The following RABEP2 variants were observed in gnomAD, a reference collection of about 807,000 sequenced individuals.
The protein encoded by RABEP2 is rab GTPase-binding effector protein 2.
RABEP2 carries 57 observed loss-of-function variants against 74.1 expected under a neutral mutation model. That is an observed-to-expected ratio of 0.77 (90% CI 0.62 to 0.96). RABEP2 has a LOEUF of 0.96. Among genes scored for constraint, RABEP2 ranks in the 40% least tolerant of loss-of-function variants. RABEP2 has a pLI of 0.00. For synonymous variants in RABEP2, 351 were observed against 344.0 expected (o/e 1.02, Z -0.23); for missense variants, 692 against 756.3 (o/e 0.91, Z 1.00).
At chr16:28,923,861 G>A (rs1431082852) in intron 2 of RABEP2, among the ~76,000 whole-genome samples, 1 of 152,190 alleles carries the variant, frequency 6.6e-6, no homozygotes, top group African/African-American at 2.4e-5. Context: ...CAGAGTCTCT[G>A]GCTTCTGCTA....
At chr16:28,911,292 T>C in intron 5 of RABEP2, 113 bp from the exon 6 acceptor site, 1 of 933,580 alleles carries the variant, frequency 1.1e-6, no homozygotes, top group South Asian at 1.6e-5. Context: ...GTCCGTCAAA[T>C]TACAGGCCCA....
chr16:28,921,338 G>A, intron 2 of RABEP2: 3 of 419,748 alleles, frequency 7.1e-6, no homozygotes, highest in South Asian at 3.3e-5. Flanking sequence ...GACCCTTCCT[G>A]GGCTTGGATA....
At chr16:28,906,437 A>C (rs537160930) in intron 8 of RABEP2, among the ~76,000 whole-genome samples, 46 of 152,318 alleles carry the variant, frequency 3.0e-4, no homozygotes, top group Non-Finnish European at 5.6e-4. Flanking sequence ...GCTCAGGAAG[A>C]GTCCCAACCA....
At chr16:28,911,223 GC>G in intron 5 of RABEP2, 44 bp from the exon 6 acceptor site, 1 of 1,579,244 alleles carries the variant, frequency 6.3e-7, no homozygotes, top group Non-Finnish European at 8.6e-7. Flanking sequence ...CAGGAACTTG[GC>G]CCCCCTCACC....
At chr16:28,925,055 GC>G in intron 1 of RABEP2, 47 bp downstream of exon 1, 2 of 1,473,210 alleles carry the variant, frequency 1.4e-6, no homozygotes, top group Non-Finnish European at 1.8e-6. Flanking sequence ...GCTCGGCCCC[GC>G]CCCCAGCATC....
intron 7 of RABEP2, among the ~76,000 whole-genome samples, chr16:28,910,028 C>CAAA (rs779404464): frequency 3.0e-4 from 21 of 69,080 alleles, no homozygotes; most frequent in South Asian, 6.2e-4. Flanking sequence ...GACTCCGTCT[C>CAAA]AAAAAAAAAA....
At chr16:28,918,948 A>G (rs919393688) in intron 3 of RABEP2, among the ~76,000 whole-genome samples, 1 of 151,990 alleles carries the variant, frequency 6.6e-6, no homozygotes, top group African/African-American at 2.4e-5. Context: ...GGCTTCCCAA[A>G]GTGCTGGGAT....
At chr16:28,912,406 CTTTTTTT>C (rs58094012) in intron 5 of RABEP2, among the ~76,000 whole-genome samples, 8 of 118,150 alleles carry the variant, frequency 6.8e-5, no homozygotes, top group Non-Finnish European at 1.0e-4. Flanking sequence ...TTCTTTCTTT[CTTTTTTT>C]TTTTTTTTTT....
At chr16:28,923,374 G>A (rs118112370) in intron 2 of RABEP2, among the ~76,000 whole-genome samples, 2,387 of 151,808 alleles carry the variant, frequency 0.016, 48 homozygotes, top group Non-Finnish European at 0.021. Context: ...TCACACCAGC[G>A]TGCTGTGACG....
intron 11 of RABEP2, 61 bp downstream of exon 11, chr16:28,905,643 G>A: frequency 3.8e-6 from 6 of 1,576,988 alleles, no homozygotes; most frequent in Non-Finnish European, 4.3e-6. Context: ...GGGAGGGGTG[G>A]GGGAGGGTCT....
At chr16:28,917,085 C>T (rs1189682883) in intron 3 of RABEP2, among the ~76,000 whole-genome samples, 1 of 152,080 alleles carries the variant, frequency 6.6e-6, no homozygotes, top group African/African-American at 2.4e-5. Context: ...TTTGTTCTCC[C>T]ACACTCCTAT....
chr16:28,919,733 C>T lies in RABEP2; in HGVS notation c.432+53G>A. 1.9e-6 allele frequency: 3 copies of T among 1,562,120 alleles called. 1 individual carries two copies. Among genetic ancestry groups the T allele is most frequent in the Middle Eastern group, 3.4e-4 (2 of 5,854 alleles). ...GACCAGGGAATGGGACATCCACAGT[C>T]CTCAACATTCTTCCAAATCCCAGGG... On this transcript the variant is annotated intron_variant, in intron 3 of 12. Transcript: ENST00000358201.
chr16:28,924,480 C>T lies in RABEP2; in HGVS notation c.197G>A (p.Ser66Asn), dbSNP rs890456110. ...TMKAVAEVSE[S>N]TKAEAVAAVQ... ...CGCAGCCACAGCCTCGGCCTTCGTG[C>T]TCTCGCTCACCTCTGCCACAGCCTT... is the stretch of plus-strand genomic sequence containing the variant. The change falls in exon 2 of 13, where the codon AGC (serine) becomes AAC (asparagine). Residue 66 changes from serine to asparagine, a missense_variant. Coordinates refer to ENST00000358201, the MANE Select transcript of RABEP2 (RefSeq NM_024816.3). 9.3e-6 allele frequency: 15 copies of T among 1,613,944 alleles called. No homozygotes were observed. In the East Asian group the frequency reaches 2.0e-4, roughly 22 times the overall value.
At position 28,907,166 on chromosome 16, in the gene RABEP2, T is replaced by TG. The variant is rs1964248489; in HGVS notation, c.1246-971_1246-970insC. Among the ~76,000 whole-genome samples, 4 of 148,084 alleles carry TG rather than the reference T, an allele frequency of 2.7e-5. No individual in the cohort carries two copies. In the East Asian group the frequency reaches 7.9e-4, roughly 29 times the overall value. ...TTTTTTTTGTTTTTTGCCTTTGTTTTTTTTTTTTTTTTGAGACAGGGTCTC... is the reference window on the plus strand; with the variant it reads ...TTTTTTTTGTTTTTTGCCTTTGTTTTGTTTTTTTTTTTTGAGACAGGGTCTC... On this transcript the variant is annotated intron_variant, in intron 8 of 12. Transcript: ENST00000358201.
In RABEP2 at chr16:28,904,970, C is replaced by G. The variant is rs1364673227; in HGVS notation, c.1683G>C (p.Thr561=). 2 of 1,612,774 alleles carry G rather than the reference C, an allele frequency of 1.2e-6. No individual in the cohort carries two copies. Among genetic ancestry groups the G allele is most frequent in the Admixed American group, 3.3e-5 (2 of 59,972 alleles). ...VRSIMDEAPL[T]DVRDIKDT is the part of the protein sequence containing the mutation. ...AGGTGTCCTTGATGTCCCTGACGTC[C>G]GTGAGTGGCGCCTCATCCATGATGC... is the stretch of plus-strand genomic sequence containing the variant. Residue 561 remains threonine, a synonymous_variant, in exon 13 of 13, where the codon ACG becomes ACC. Coordinates refer to ENST00000358201, the MANE Select transcript of RABEP2 (RefSeq NM_024816.3).
At chr16:28,921,104 T>A (rs1964463679) in intron 2 of RABEP2, 1 of 449,988 alleles carries the variant, frequency 2.2e-6, no homozygotes, top group Admixed American at 2.4e-5. Context: ...GCTCAAGCAA[T>A]CCTCCCGTCT....
At chr16:28,924,744 C>A in intron 1 of RABEP2, 129 bp from the exon 2 acceptor site, 1 of 870,246 alleles carries the variant, frequency 1.1e-6, no homozygotes, top group Non-Finnish European at 1.8e-6. Context: ...GCCCGGCTCA[C>A]CTGGCCCCGC....
chr16:28,905,619 G>C, intron 11 of RABEP2, 85 bp downstream of exon 11: 1 of 1,215,484 alleles, frequency 8.2e-7, no homozygotes, highest in Admixed American at 2.0e-5. Context: ...TGGCCTGAGG[G>C]AGACACAGAG....
At chr16:28,914,981 AG>A (rs1386069310) in intron 3 of RABEP2, among the ~76,000 whole-genome samples, 199 bp from the exon 4 acceptor site, 2 of 151,248 alleles carry the variant, frequency 1.3e-5, no homozygotes, top group Admixed American at 6.6e-5. Flanking sequence ...GCAAGGATGA[AG>A]GTCACGACTT....
Sources: allele counts gnomAD v4.1 joint callset (sites outside exome capture counted in the v4.1 genomes callset), GRCh38; gene constraint gnomAD v4.1.1; transcripts MANE v1.5; gene names NCBI Gene and HGNC (gene_info 2026-07-23, HGNC 2026-07-21).